Variants in KCNQ2 observed in about 807,000 individuals in gnomAD.
The protein encoded by KCNQ2 is potassium voltage-gated channel subfamily Q member 2.
KCNQ2 carries 14 observed loss-of-function variants against 84.8 expected under a neutral mutation model. The observed-to-expected ratio is 0.17, with a 90% confidence interval of 0.11 to 0.26. The LOEUF is 0.26. KCNQ2 is among the 10% of genes least tolerant of loss of function. The pLI is 1.00. For synonymous variants in KCNQ2, 599 were observed against 554.1 expected, an observed-to-expected ratio of 1.08 and a Z score of -1.14; for missense variants, 788 against 1,254.0, an observed-to-expected ratio of 0.63 and a Z score of 5.61.
intron 7 of KCNQ2, among the ~76,000 whole-genome samples, chr20:63,436,327 C>T (rs184852028): frequency 8.5e-5 from 13 of 152,100 alleles, no homozygotes; most frequent in Admixed American, 4.6e-4. Context: ...GTCAGGAGAT[C>T]GAGACCATCC....
rs149339148 is a variant in KCNQ2, at chr20:63,454,277, G to A, written c.297-7440C>T. ...GAAGGAAGCAGCTGCCCCTCCCGCC[G>A]CTGCCCCTCCTGCCACAGCCCCACC... On this transcript the variant is annotated intron_variant, in intron 1 of 16. Coordinates refer to ENST00000359125, the MANE Select transcript of KCNQ2 (RefSeq NM_172107.4). 9.0e-3 allele frequency among the ~76,000 whole-genome samples: 1,370 copies of A among 152,270 alleles called. 22 individuals are homozygous for A. Among genetic ancestry groups the A allele is most frequent in the African/African-American group, 0.031 (1,271 of 41,570 alleles).
chr20:63,415,223 A>G, intron 12 of KCNQ2, 97 bp from the exon 13 acceptor site: 2 of 1,130,840 alleles, frequency 1.8e-6, no homozygotes, highest in South Asian at 1.3e-5. Flanking sequence ...GACGCCGCCC[A>G]TGCGCCGGAG....
intron 1 of KCNQ2, among the ~76,000 whole-genome samples, chr20:63,469,351 G>C (rs2145906756): frequency 6.6e-6 from 1 of 152,356 alleles, no homozygotes; most frequent in South Asian, 2.1e-4. Context: ...TGTCTCCAGA[G>C]CCTCTGGGAA....
chr20:63,426,357 C>T (rs919648367), intron 10 of KCNQ2, among the ~76,000 whole-genome samples: 1 of 152,248 alleles, frequency 6.6e-6, no homozygotes, highest in Non-Finnish European at 1.5e-5. Context: ...ATGAGGCTGT[C>T]TGGCCACACC....
At chr20:63,445,473 G>T in intron 2 of KCNQ2, 109 bp from the exon 3 acceptor site, 1 of 1,311,816 alleles carries the variant, frequency 7.6e-7, no homozygotes, top group Non-Finnish European at 1.1e-6. Flanking sequence ...CCACAGGGCA[G>T]GAGGCCCCCA....
At chr20:63,447,566 C>G (rs2145794143) in intron 1 of KCNQ2, 1 of 151,704 alleles carries the variant, frequency 6.6e-6, no homozygotes, top group South Asian at 2.1e-4. Flanking sequence ...CCAAAATTCC[C>G]CCAAATGCAT....
rs1300557529 is a variant in KCNQ2, at chr20:63,408,119, G to A, written c.1887+294C>T. ...GCCAGGCAGGTACAACTTCCGGCAC[G>A]TTCCACAAGGAACCCCTGAGGGATC... On this transcript the variant is annotated intron_variant, in intron 16 of 16. Coordinates refer to ENST00000359125, the MANE Select transcript of KCNQ2 (RefSeq NM_172107.4). This position sits in a 1 kb window ranked among gnomAD's most constrained non-coding sequence, Gnocchi z 5.0. 4.1e-5 allele frequency: 18 copies of A among 436,504 alleles called. No homozygotes were observed. The highest frequency in any genetic ancestry group is 1.8e-4 in the African/African-American group (9 of 50,202). The allele number at this position is 436,504 out of a possible 1,614,324, so 27.0% of individuals were successfully genotyped here. A position where few individuals can be genotyped will look rare whatever the true frequency, so the allele number is the denominator to read the frequency against.
In KCNQ2 at chr20:63,425,984, C is replaced by T. The variant is rs1307068473; in HGVS notation, c.1218-1778G>A. On this transcript the variant is annotated intron_variant, in intron 10 of 16. Coordinates refer to ENST00000359125, the MANE Select transcript of KCNQ2 (RefSeq NM_172107.4). This position sits in a 1 kb window ranked among gnomAD's most constrained non-coding sequence, Gnocchi z 5.5. ...TTCCAATCCGGCGGGGCAAACTCCA[C>T]GTGGCACAGCTCTGGGGACGCTCCT... is the stretch of plus-strand genomic sequence containing the variant. Among the ~76,000 whole-genome samples the T allele has an allele frequency of 1.3e-5, 2 of 152,206 alleles. No individual in the cohort carries two copies. Among genetic ancestry groups the T allele is most frequent in the African/African-American group, 4.8e-5 (2 of 41,456 alleles).
intron 1 of KCNQ2, among the ~76,000 whole-genome samples, chr20:63,455,648 G>A (rs1021578142): frequency 6.6e-6 from 1 of 152,110 alleles, no homozygotes; most frequent in East Asian, 1.9e-4. Context: ...GGGGTGCCCA[G>A]TTAAGGCCGG....
rs1213591547 is a variant in KCNQ2, at chr20:63,407,729, G to A, written c.1888-354C>T. Among the ~76,000 whole-genome samples the A allele has an allele frequency of 2.0e-5, 3 of 151,670 alleles. No individual in the cohort carries two copies. The highest frequency in any genetic ancestry group is 4.4e-5 in the Non-Finnish European group (3 of 67,828). Reference sequence around the variant, plus strand: ...GTCGGTCGACTTGGGCTGGTCCCAGGAGGTGGGGGGACCTGGGTTGCTCCC... The same window carrying A: ...GTCGGTCGACTTGGGCTGGTCCCAGAAGGTGGGGGGACCTGGGTTGCTCCC... On this transcript the variant is annotated intron_variant, in intron 16 of 16. Coordinates refer to ENST00000359125, the MANE Select transcript of KCNQ2 (RefSeq NM_172107.4). This position sits in a 1 kb window ranked among gnomAD's most constrained non-coding sequence, Gnocchi z 7.2.
In KCNQ2 at chr20:63,425,684, C is replaced by G. The variant is rs1221769587; in HGVS notation, c.1218-1478G>C. Among the ~76,000 whole-genome samples the G allele has an allele frequency of 6.6e-6, 1 of 152,086 alleles. No homozygotes were observed. On this transcript the variant is annotated intron_variant, in intron 10 of 16. Transcript: ENST00000359125. The surrounding 1 kb of genome is among the most constrained non-coding windows in gnomAD (Gnocchi z 5.5). ...GCAGTAAGCTGTGATTGCGCCACTG[C>G]ACTCCAGCCTGAGTGACGCAGGGAG...
At chr20:63,452,832 G>C (rs543148190) in intron 1 of KCNQ2, among the ~76,000 whole-genome samples, 8 of 152,134 alleles carry the variant, frequency 5.3e-5, no homozygotes, top group African/African-American at 1.7e-4. Context: ...GACCCTCCTC[G>C]TGGGAACTGG....
intron 1 of KCNQ2, among the ~76,000 whole-genome samples, chr20:63,449,963 G>C (rs1046827940): frequency 6.6e-6 from 1 of 151,650 alleles, no homozygotes; most frequent in African/African-American, 2.4e-5. Flanking sequence ...ACCCCGTCCC[G>C]CACCATCAGT....
intron 1 of KCNQ2, among the ~76,000 whole-genome samples, chr20:63,466,995 G>A (rs75937235): frequency 0.026 from 4,024 of 152,306 alleles, 189 homozygotes; most frequent in African/African-American, 0.09. Context: ...ACAAGATGTC[G>A]GACACAAGGC....
In KCNQ2 at chr20:63,438,419, G is replaced by A; in HGVS notation, c.1023+206C>T. 1 of 631,836 alleles carries A rather than the reference G, an allele frequency of 1.6e-6. No homozygotes were observed. The highest frequency in any genetic ancestry group is 2.9e-6 in the Non-Finnish European group (1 of 348,660). 39.1% of individuals were successfully genotyped at this position (631,836 alleles called of 1,614,324 possible). On this transcript the variant is annotated intron_variant, in intron 7 of 16. Coordinates refer to ENST00000359125, the MANE Select transcript of KCNQ2 (RefSeq NM_172107.4). This position sits in a 1 kb window ranked among gnomAD's most constrained non-coding sequence, Gnocchi z 5.1. Reference sequence around the variant, plus strand: ...GGGCCACCCCAGCGTCCTCACACGAGCCACCCCTGTGCAGCCTCAGGGGTT... The same window carrying A: ...GGGCCACCCCAGCGTCCTCACACGAACCACCCCTGTGCAGCCTCAGGGGTT...
At chr20:63,412,200 G>A in intron 15 of KCNQ2, 1 of 292,858 alleles carries the variant, frequency 3.4e-6, no homozygotes, top group Non-Finnish European at 6.4e-6. Context: ...CCGCGGCGGG[G>A]CAACGGGAAA....
rs1387994767 is a variant in KCNQ2, at chr20:63,414,918, G to A, written c.1510C>T (p.Arg504Trp). ...CCACACCCACCTTCTGAGTTCTGCC[G>A]TGACGCGGCACCCTTGATGCGGAAA... ...QAFRIKGAAS[R>W]QNSEEASLPG... The change falls in exon 13 of 17, where the codon CGG becomes TGG. Residue 504 changes from arginine (R) to tryptophan (W), a missense_variant. Around this residue, in one of 8 missense-constraint regions of KCNQ2, gnomAD observed 202 missense variants for 239.4 expected, o/e 0.84. Coordinates refer to ENST00000359125, the MANE Select transcript of KCNQ2 (RefSeq NM_172107.4). The surrounding 1 kb of genome is among the most constrained non-coding windows in gnomAD (Gnocchi z 6.6). The A allele has an allele frequency of 1.9e-6, 3 of 1,612,628 alleles. No individual in the cohort carries two copies. Among genetic ancestry groups the A allele is most frequent in the Non-Finnish European group, 2.5e-6 (3 of 1,179,942 alleles).
intron 1 of KCNQ2, among the ~76,000 whole-genome samples, chr20:63,452,939 G>A (rs2081657772): frequency 6.6e-6 from 1 of 152,212 alleles, no homozygotes. Flanking sequence ...GGGGCTTCCA[G>A]GAAGAATAGT....
At position 63,406,734 on chromosome 20, in the gene KCNQ2, G is replaced by T. The variant is rs140674819; in HGVS notation, c.2529C>A (p.Ser843=). The T allele has an allele frequency of 3.1e-6, 5 of 1,610,048 alleles. No individual in the cohort carries two copies. The East Asian group carries it at 1.1e-4, about 36-fold the overall frequency. The change falls in exon 17 of 17, where the codon TCC becomes TCA. Residue 843 remains serine (S), a synonymous_variant. Coordinates refer to ENST00000359125, the MANE Select transcript of KCNQ2 (RefSeq NM_172107.4). ...GGGGCCCGCACGGGGTACAGAGGTC[G>T]GAGTCGGTGTCTGACTCTCCCTCCG... ...YIAEGESDTD[S]DLCTPCGPPP...
Sources: gnomAD v4.1 joint callset for allele counts (sites outside exome capture counted in the v4.1 genomes callset) on GRCh38, gnomAD v4.1.1 for gene constraint, gnomAD v4.1.1 regional missense constraint, Gnocchi (gnomAD v3.1) non-coding constraint, MANE v1.5 for transcripts, NCBI Gene and HGNC (gene_info 2026-07-23, HGNC 2026-07-21) for gene names.